PKN3: variants seen among roughly 807,000 people sequenced by gnomAD.
PKN3 encodes serine/threonine-protein kinase N3.
A neutral mutation model predicts 113.1 loss-of-function variants in PKN3; 91 were observed. The ratio of observed to expected loss-of-function variants is 0.80; its 90% CI spans 0.68 to 0.96. The LOEUF is 0.96. Ranked by LOEUF, PKN3 falls within the 40% of genes least tolerant of loss-of-function variation. PKN3 has a pLI of 0.00. For missense variants in PKN3, 1,052 were observed against 1,202.2 expected, an observed-to-expected ratio of 0.88 and a Z score of 1.85; for synonymous variants, 467 against 499.0, an observed-to-expected ratio of 0.94 and a Z score of 0.85.
chr9:128,720,058 C>A lies in PKN3; in HGVS notation c.2376+41C>A. 6.4e-7 allele frequency: 1 copy of A among 1,567,880 alleles called. No homozygotes were observed. Among genetic ancestry groups the A allele is most frequent in the South Asian group, 1.1e-5 (1 of 90,162 alleles). Reference sequence around the variant, plus strand: ...TCTGGGGCTGGGCTGGATGGCCGCTCAAGGCCCATGTGCCCTCTGCCGTGG... The same window carrying A: ...TCTGGGGCTGGGCTGGATGGCCGCTAAAGGCCCATGTGCCCTCTGCCGTGG... On this transcript the variant is annotated intron_variant, in intron 20 of 21. Coordinates refer to ENST00000291906, the MANE Select transcript of PKN3 (RefSeq NM_013355.5). This position sits in a 1 kb window ranked among gnomAD's most constrained non-coding sequence, Gnocchi z 5.5.
At chr9:128,703,411 C>T (rs987942903) in intron 1 of PKN3, 5 of 985,322 alleles carry the variant, frequency 5.1e-6, no homozygotes, top group Non-Finnish European at 6.0e-6. Flanking sequence ...ACAGGAGGCA[C>T]GAGGGGAGCG....
At chr9:128,703,988 C>T (rs781734972) in intron 1 of PKN3, 516 of 985,322 alleles carry the variant, frequency 5.2e-4, no homozygotes, top group Non-Finnish European at 6.1e-4. Flanking sequence ...TGGCCTAGGG[C>T]GGTCAGAGGA....
Position 128,715,326 on chromosome 9 carries a change from C to A in PKN3, c.1717-43C>A. 6.2e-7 allele frequency: 1 copy of A among 1,608,194 alleles called. No homozygotes were observed. ...TGATCTGTGGGGGCGGTAAAGGCTCCCTGGTCTGGCCCACCTGGAGCACAA... is the reference window on the plus strand; with the variant it reads ...TGATCTGTGGGGGCGGTAAAGGCTCACTGGTCTGGCCCACCTGGAGCACAA... On this transcript the variant is annotated intron_variant, in intron 14 of 21. Coordinates refer to ENST00000291906, the MANE Select transcript of PKN3 (RefSeq NM_013355.5). The surrounding 1 kb of genome is among the most constrained non-coding windows in gnomAD (Gnocchi z 4.1).
In PKN3 at chr9:128,713,203, G is replaced by C; in HGVS notation, c.982+5G>C. On this transcript the variant is annotated splice_donor_5th_base_variant and intron_variant, in intron 7 of 21. Coordinates refer to ENST00000291906, the MANE Select transcript of PKN3 (RefSeq NM_013355.5). The stretch of plus-strand genomic sequence containing the variant: ...GTGGCCGAGGCGAGCTTGCCAGTGA[G>C]TAGGGAAGGAGCTTCAGGGGGAGCA... 1 of 1,608,702 alleles carries C rather than the reference G, an allele frequency of 6.2e-7. No individual in the cohort carries two copies.
intron 1 of PKN3, chr9:128,703,555 C>T (rs1861918130): frequency 2.0e-6 from 2 of 985,250 alleles, no homozygotes; most frequent in African/African-American, 1.7e-5. Flanking sequence ...AGGACCGAGG[C>T]CATGTCTATC....
intron 6 of PKN3, among the ~76,000 whole-genome samples, chr9:128,711,941 G>C (rs1177322470): frequency 6.7e-6 from 1 of 150,328 alleles, no homozygotes; most frequent in East Asian, 2.0e-4. Flanking sequence ...CTGGAGTCTT[G>C]CTCTGTCGCC....
chr9:128,714,132 A>C lies in PKN3; in HGVS notation c.1312+11A>C. The C allele has an allele frequency of 1.2e-6, 2 of 1,613,968 alleles. No homozygotes were observed. Among genetic ancestry groups the C allele is most frequent in the South Asian group, 2.2e-5 (2 of 91,080 alleles). On this transcript the variant is annotated intron_variant, in intron 10 of 21. Coordinates refer to ENST00000291906, the MANE Select transcript of PKN3 (RefSeq NM_013355.5). ...TCTCTAAACGCAGAGGTGTGGAGGG[A>C]ATGGGGGCTATGTGTGAGGGAGCAG...
In PKN3 at chr9:128,703,814, T is replaced by G. The variant is rs1020558345; in HGVS notation, c.24+875T>G. The G allele has an allele frequency of 6.1e-6, 6 of 985,266 alleles. No homozygotes were observed. The African/African-American group carries it at 1.0e-4, about 17-fold the overall frequency. The allele number at this position is 985,266 out of a possible 1,614,324, so 61.0% of individuals were successfully genotyped here. A position where few individuals can be genotyped will look rare whatever the true frequency, so the allele number is the denominator to read the frequency against. ...CTCGGTCTGCCCCCTCCCACCCCCT[T>G]CCTCTGGAGGTCCCTCCGCCTGTTC... On this transcript the variant is annotated intron_variant, in intron 1 of 21. Transcript: ENST00000291906.
chr9:128,720,442 G>T lies in PKN3; in HGVS notation c.2506G>T (p.Val836Leu). 1 of 1,613,146 alleles carries T rather than the reference G, an allele frequency of 6.2e-7. No homozygotes were observed. Among genetic ancestry groups the T allele is most frequent in the South Asian group, 1.1e-5 (1 of 91,076 alleles). ...LLARTIQPPF[V>L]PTLCGPADLR... Reference sequence around the variant, plus strand: ...CGCCCGCACCATCCAGCCCCCCTTCGTGCCTACCCTGTGTGGCCCTGCGGA... The same window carrying T: ...CGCCCGCACCATCCAGCCCCCCTTCTTGCCTACCCTGTGTGGCCCTGCGGA... Residue 836 changes from valine (V) to leucine (L), a missense_variant, in exon 22 of 22, where the codon GTG (valine) becomes TTG (leucine). By Grantham distance (32) the Val-to-Leu change is conservative. Coordinates refer to ENST00000291906, the MANE Select transcript of PKN3 (RefSeq NM_013355.5). The surrounding 1 kb of genome is among the most constrained non-coding windows in gnomAD (Gnocchi z 5.5).
intron 4 of PKN3, 22 bp downstream of exon 4, chr9:128,706,846 A>AGGGC (rs1862033466): frequency 6.2e-7 from 1 of 1,612,380 alleles, no homozygotes. Flanking sequence ...AGACACAGGG[A>AGGGC]GGGCGGAGCA....
In PKN3 at chr9:128,702,942, G is replaced by A; in HGVS notation, c.24+3G>A. ...TGGAGGAGGGGGCGCCGCGGCAGGT[G>A]AACGGCGTGGGAGGGGCGCGCGGGC... On this transcript the variant is annotated splice_donor_region_variant and intron_variant, in intron 1 of 21. Coordinates refer to ENST00000291906, the MANE Select transcript of PKN3 (RefSeq NM_013355.5). The A allele has an allele frequency of 6.9e-7, 1 of 1,451,740 alleles. No individual in the cohort carries two copies. Among genetic ancestry groups the A allele is most frequent in the East Asian group, 3.0e-5 (1 of 33,254 alleles). 89.9% of individuals were successfully genotyped at this position (1,451,740 alleles called of 1,614,324 possible). A position where few individuals can be genotyped will look rare whatever the true frequency, so the allele number is the denominator to read the frequency against.
chr9:128,706,020 G>A (rs1589476381), intron 3 of PKN3, 141 bp downstream of exon 3: 1 of 867,532 alleles, frequency 1.2e-6, no homozygotes, highest in Non-Finnish European at 1.7e-6. Flanking sequence ...CCCCAGCTGG[G>A]TGAGGAAGGC....
Position 128,714,739 on chromosome 9 carries a change from G to A in PKN3, c.1585-59G>A, listed in dbSNP as rs1862289451. The A allele has an allele frequency of 3.4e-5, 53 of 1,540,406 alleles. No individual in the cohort carries two copies. The South Asian group carries it at 5.8e-4, about 17-fold the overall frequency. On this transcript the variant is annotated intron_variant, in intron 12 of 21. Coordinates refer to ENST00000291906, the MANE Select transcript of PKN3 (RefSeq NM_013355.5). ...GGGCCACCCAGCTGTGGGGTGGCAG[G>A]CCTGAAGGGAAAGAGAGAAGGAAGC... is the stretch of plus-strand genomic sequence containing the variant.
chr9:128,713,351 G>C lies in PKN3; in HGVS notation c.1056G>C (p.Gln352His). 6.2e-7 allele frequency: 1 copy of C among 1,614,118 alleles called. No individual in the cohort carries two copies. Among genetic ancestry groups the C allele is most frequent in the South Asian group, 1.1e-5 (1 of 91,058 alleles). ...CGGGCTGGGGGCAGGTGGCCGAACAGTCCTGGGACCAGACCTTTGTCATCC... is the reference window on the plus strand; with the variant it reads ...CGGGCTGGGGGCAGGTGGCCGAACACTCCTGGGACCAGACCTTTGTCATCC... The part of the protein sequence containing the change: ...GQTGWGQVAE[Q>H]SWDQTFVIPL... The change falls in exon 8 of 22, where the codon CAG (glutamine) becomes CAC (histidine). Residue 352 changes from glutamine (Q) to histidine (H), a missense_variant. Gln to His is a conservative substitution (Grantham distance 24). Transcript: ENST00000291906.
rs763903613 is a variant in PKN3 at position 128,705,421 on chromosome 9, G to A, written c.143G>A (p.Arg48His). The change falls in exon 2 of 22, where the codon CGC (arginine) becomes CAC (histidine). Residue 48 changes from arginine (R) to histidine (H), a missense_variant. Transcript: ENST00000291906. ...ENLRRVATDR[R>H]HLGHVQQLLR... Reference sequence around the variant, plus strand: ...CTGCGGCGCGTGGCCACAGACCGCCGCCACTTGGGCCATGTGCAGCAGCTG... The same window carrying A: ...CTGCGGCGCGTGGCCACAGACCGCCACCACTTGGGCCATGTGCAGCAGCTG... 25 of 1,592,780 alleles carry A rather than the reference G, an allele frequency of 1.6e-5. No individual in the cohort carries two copies. The South Asian group carries it at 1.8e-4, about 12-fold the overall frequency.
At chr9:128,716,992 A>G (rs951195234) in intron 16 of PKN3, 69 bp downstream of exon 16, 1 of 1,336,592 alleles carries the variant, frequency 7.5e-7, no homozygotes, top group African/African-American at 1.4e-5. Flanking sequence ...CACTCTCTAC[A>G]TACTGCTTTC....
chr9:128,715,440 C>T lies in PKN3; in HGVS notation c.1788C>T (p.Leu596=). The change falls in exon 15 of 22, where the codon CTC becomes CTT. Residue 596 remains leucine (L), a synonymous_variant. Transcript: ENST00000291906. This position sits in a 1 kb window ranked among gnomAD's most constrained non-coding sequence, Gnocchi z 4.1. ...AIKALKKQEV[L]SRDEIESLYC... ...AAGCACTGAAGAAGCAGGAGGTGCT[C>T]AGCCGGGACGAGATAGAGAGGTGTG... 6.2e-7 allele frequency: 1 copy of T among 1,613,712 alleles called. No homozygotes were observed. Among genetic ancestry groups the T allele is most frequent in the Non-Finnish European group, 8.5e-7 (1 of 1,179,838 alleles).
At chr9:128,714,394 T>TATGCA in intron 11 of PKN3, 29 bp downstream of exon 11, 3 of 1,576,746 alleles carry the variant, frequency 1.9e-6, no homozygotes, top group Non-Finnish European at 2.6e-6. Context: ...CTAGACTGCA[T>TATGCA]GCTCCTCTGT....
rs1378604862 is a variant in PKN3, at chr9:128,707,009, A to C, written c.637A>C (p.Lys213Gln). 5 of 1,614,076 alleles carry C rather than the reference A, an allele frequency of 3.1e-6. No individual in the cohort carries two copies. Among genetic ancestry groups the C allele is most frequent in the Non-Finnish European group, 4.2e-6 (5 of 1,179,968 alleles). Residue 213 changes from lysine to glutamine, a missense_variant, in exon 5 of 22, where the codon AAG becomes CAG. Around this residue, in one of 2 missense-constraint regions of PKN3, gnomAD observed 719 missense variants for 759.4 expected, o/e 0.95. Coordinates refer to ENST00000291906, the MANE Select transcript of PKN3 (RefSeq NM_013355.5). ...LLSSRRTQDR[K>Q]ALAEAQAQLQ... ...TAGTAGCCGGAGAACACAGGACCGC[A>C]AGGCACTGGCTGAGGTCAGGCCCCA...
Sources: allele counts gnomAD v4.1 joint callset (sites outside exome capture counted in the v4.1 genomes callset), GRCh38; gene constraint gnomAD v4.1.1; regional missense constraint gnomAD v4.1.1; non-coding constraint Gnocchi (gnomAD v3.1); transcripts MANE v1.5; gene names NCBI Gene and HGNC (gene_info 2026-07-23, HGNC 2026-07-21).